Variants in FHIT observed in about 807,000 individuals in gnomAD.
The protein encoded by FHIT is fragile histidine triad diadenosine triphosphatase, also known as bis(5'-adenosyl)-triphosphatase.
In FHIT, 19 loss-of-function variants were observed where a neutral mutation model predicts 17.9. The ratio of observed to expected loss-of-function variants is 1.06; its 90% CI spans 0.74 to 1.56. FHIT has a LOEUF of 1.56. Ranked by LOEUF, FHIT falls within the 40% of genes most tolerant of loss-of-function variation. The pLI, the probability that FHIT is intolerant of heterozygous loss-of-function variation, is 0.00. For synonymous variants in FHIT, 81 were observed against 69.7 expected (o/e 1.16, Z -0.81); for missense variants, 248 against 189.2 (o/e 1.31, Z -1.82).
intron 5 of FHIT, among the ~76,000 whole-genome samples, chr3:60,084,739 A>G (rs1340701522): frequency 6.6e-6 from 1 of 152,132 alleles, no homozygotes; most frequent in East Asian, 1.9e-4. Flanking sequence ...TTTCCTTAAA[A>G]CTGCTGTGAA....
At position 60,244,573 on chromosome 3, in the gene FHIT, A is replaced by G. The variant is rs535296652; in HGVS notation, c.104-230421T>C. On this transcript the variant is annotated intron_variant, in intron 5 of 9. Transcript: ENST00000492590. ...TTTCTGCTTCCAAATGACACCGCCT[A>G]AACAAACTTTGTTGCCACAGAAGCC... Among the ~76,000 whole-genome samples, 3 of 152,180 alleles carry G rather than the reference A, an allele frequency of 2.0e-5. No individual in the cohort carries two copies. The South Asian group carries it at 6.2e-4, about 32-fold the overall frequency.
intron 5 of FHIT, among the ~76,000 whole-genome samples, chr3:60,237,434 C>G (rs1161661719): frequency 6.6e-6 from 1 of 151,988 alleles, no homozygotes; most frequent in Non-Finnish European, 1.5e-5. Context: ...CTCCTTTCAG[C>G]TTACATCCCA....
intron 5 of FHIT, among the ~76,000 whole-genome samples, chr3:60,507,051 A>G (rs972666668): frequency 1.3e-5 from 2 of 152,216 alleles, no homozygotes; most frequent in Admixed American, 6.5e-5. Flanking sequence ...AAATTGCACC[A>G]TCATTCTAGC....
At chr3:60,017,838 A>C (rs752835794) in intron 5 of FHIT, among the ~76,000 whole-genome samples, 7 of 152,238 alleles carry the variant, frequency 4.6e-5, no homozygotes, top group Non-Finnish European at 1.0e-4. Flanking sequence ...TATTCGCATT[A>C]GTCAGGTGCC....
chr3:60,248,823 C>T (rs759913537), intron 5 of FHIT, among the ~76,000 whole-genome samples: 1 of 151,986 alleles, frequency 6.6e-6, no homozygotes, highest in Admixed American at 6.6e-5. Context: ...TTTTTCTTCC[C>T]GAATGCAGGG....
At chr3:60,526,444 C>T (rs1274232740) in intron 5 of FHIT, among the ~76,000 whole-genome samples, 1 of 152,116 alleles carries the variant, frequency 6.6e-6, no homozygotes, top group Non-Finnish European at 1.5e-5. Flanking sequence ...CTGCCTCCTA[C>T]TCGGACATTC....
chr3:61,189,666 C>T (rs1015923413), intron 2 of FHIT, among the ~76,000 whole-genome samples: 2 of 152,342 alleles, frequency 1.3e-5, no homozygotes, highest in East Asian at 3.9e-4. Flanking sequence ...AGGCATCACG[C>T]TACCTGACTT....
intron 8 of FHIT, among the ~76,000 whole-genome samples, chr3:59,758,430 C>G (rs1275558176): frequency 6.6e-6 from 1 of 152,168 alleles, no homozygotes; most frequent in East Asian, 1.9e-4. Flanking sequence ...ATGGAATAGG[C>G]ACGCACAACA....
intron 8 of FHIT, among the ~76,000 whole-genome samples, chr3:59,919,680 ATACAAT>A (rs994726168): frequency 5.9e-5 from 9 of 152,212 alleles, no homozygotes; most frequent in Non-Finnish European, 1.0e-4. Flanking sequence ...AGCAGTAGAA[ATACAAT>A]TACATTTTAT....
chr3:60,734,357 A>G (rs2042093455), intron 4 of FHIT, among the ~76,000 whole-genome samples: 1 of 152,336 alleles, frequency 6.6e-6, no homozygotes, highest in East Asian at 1.9e-4. Flanking sequence ...AAGCCAGAGA[A>G]CAACATACAA....
chr3:60,824,993 A>C (rs1702063877), intron 3 of FHIT, among the ~76,000 whole-genome samples: 1 of 152,328 alleles, frequency 6.6e-6, no homozygotes, highest in South Asian at 2.1e-4. Flanking sequence ...AAATGAAAAT[A>C]ATGGGATTCT....
At chr3:60,799,248 C>G (rs1701099231) in intron 4 of FHIT, among the ~76,000 whole-genome samples, 1 of 152,160 alleles carries the variant, frequency 6.6e-6, no homozygotes, top group Admixed American at 6.5e-5. Flanking sequence ...AATCTCGGCT[C>G]ACTGCAACCT....
intron 2 of FHIT, among the ~76,000 whole-genome samples, chr3:61,190,698 T>C (rs2038686012): frequency 1.3e-5 from 2 of 152,096 alleles, no homozygotes; most frequent in South Asian, 4.2e-4. Context: ...CCAACAATGA[T>C]TGACTGGATT....
intron 5 of FHIT, among the ~76,000 whole-genome samples, chr3:60,497,974 A>G (rs2034369733): frequency 6.6e-6 from 1 of 152,164 alleles, no homozygotes; most frequent in Admixed American, 6.5e-5. Flanking sequence ...AAGATAGTAA[A>G]TATTTTGGGC....
intron 8 of FHIT, among the ~76,000 whole-genome samples, chr3:59,911,231 G>T (rs1182185491): frequency 6.6e-6 from 1 of 152,140 alleles, no homozygotes; most frequent in African/African-American, 2.4e-5. Context: ...TGTTTCCCAG[G>T]TTTAGATTTT....
chr3:60,736,501 G>A (rs138004327), intron 4 of FHIT, among the ~76,000 whole-genome samples: 4 of 152,308 alleles, frequency 2.6e-5, no homozygotes, highest in East Asian at 1.9e-4. Flanking sequence ...CAACATGGAT[G>A]AGCCTTGAAA....
chr3:59,785,044 AAG>A lies in FHIT; in HGVS notation c.349-32725_349-32724del, dbSNP rs1208947260. Among the ~76,000 whole-genome samples the A allele has an allele frequency of 3.3e-5, 5 of 150,540 alleles. No homozygotes were observed. In the East Asian group the frequency reaches 5.8e-4, roughly 17 times the overall value. The stretch of plus-strand genomic sequence containing the variant: ...AGACAGGTCACATGGCCCGAGCAAC[AAG>A]AGAGAGAGAGGGGAGTTGCCGCACA... On this transcript the variant is annotated intron_variant, in intron 8 of 9. Transcript: ENST00000492590.
chr3:60,615,299 G>A (rs908921780), intron 4 of FHIT, among the ~76,000 whole-genome samples: 1 of 152,142 alleles, frequency 6.6e-6, no homozygotes, highest in African/African-American at 2.4e-5. Context: ...ATTCACTCTA[G>A]TGTTCTACAA....
In FHIT at chr3:60,862,219, C is replaced by T. The variant is rs782674145; in HGVS notation, c.-110-40208G>A. Reference sequence around the variant, plus strand: ...TTTAAGACAGTGTCTTGTTCTATTGCCCAGGCTGGAGTGCGGCAGTGAGAT... The same window carrying T: ...TTTAAGACAGTGTCTTGTTCTATTGTCCAGGCTGGAGTGCGGCAGTGAGAT... On this transcript the variant is annotated intron_variant, in intron 3 of 9. Coordinates refer to ENST00000492590, the MANE Select transcript of FHIT (RefSeq NM_002012.4). 1.7e-4 allele frequency among the ~76,000 whole-genome samples: 26 copies of T among 152,112 alleles called. No individual in the cohort carries two copies. The South Asian group carries it at 3.7e-3, about 22-fold the overall frequency.
Sources: allele counts gnomAD v4.1 joint callset (sites outside exome capture counted in the v4.1 genomes callset), GRCh38; gene constraint gnomAD v4.1.1; transcripts MANE v1.5; gene names NCBI Gene and HGNC (gene_info 2026-07-23, HGNC 2026-07-21).